The following RABGAP1 variants were observed in gnomAD, a reference collection of about 807,000 sequenced individuals.
RABGAP1 encodes RAB GTPase activating protein 1, also known as rab GTPase-activating protein 1.
A neutral mutation model predicts 137.6 loss-of-function variants in RABGAP1; 23 were observed. That is an observed-to-expected ratio of 0.17 (90% CI 0.12 to 0.24). The LOEUF (loss-of-function observed/expected upper bound fraction) is 0.24, where lower values mean the gene tolerates loss of function less well. Ranked by LOEUF, RABGAP1 falls within the 10% of genes least tolerant of loss-of-function variation. RABGAP1 has a pLI of 1.00. For missense variants in RABGAP1, 906 were observed against 1,275.8 expected (o/e 0.71, Z 4.42); for synonymous variants, 451 against 450.7 (o/e 1.00, Z -0.01).
At position 123,013,725 on chromosome 9, in the gene RABGAP1, A is replaced by G. The variant is rs571019854; in HGVS notation, c.1550-1818A>G. 5.9e-5 allele frequency among the ~76,000 whole-genome samples: 9 copies of G among 152,334 alleles called. No individual in the cohort carries two copies. In the East Asian group the frequency reaches 1.5e-3, roughly 26 times the overall value. The stretch of plus-strand genomic sequence containing the variant: ...TGTCTCACCAGCAAAACTGATGATA[A>G]TGTCCAAAGCATTATAATATAAAAA... On this transcript the variant is annotated intron_variant, in intron 11 of 25. Transcript: ENST00000373647.
Position 123,070,463 on chromosome 9 carries a change from C to CT in RABGAP1, c.1983+40dup. ...TCTCTGTTATGACTTAACACATGGCCTCCCTCAGCTTATACTAACCTTAGG... is the reference window on the plus strand; with the variant it reads ...TCTCTGTTATGACTTAACACATGGCCTTCCCTCAGCTTATACTAACCTTAGG... On this transcript the variant is annotated intron_variant, in intron 15 of 25. Coordinates refer to ENST00000373647, the MANE Select transcript of RABGAP1 (RefSeq NM_012197.4). The surrounding 1 kb of genome is among the most constrained non-coding windows in gnomAD (Gnocchi z 4.4). The CT allele has an allele frequency of 6.2e-7, 1 of 1,613,558 alleles. No individual in the cohort carries two copies.
intron 13 of RABGAP1, among the ~76,000 whole-genome samples, chr9:123,024,143 T>C (rs2031817232): frequency 6.6e-6 from 1 of 152,210 alleles, no homozygotes; most frequent in Non-Finnish European, 1.5e-5. Flanking sequence ...CAATAAGCAA[T>C]GGAGTTAGTT....
chr9:122,994,749 G>T (rs577131615), intron 6 of RABGAP1, among the ~76,000 whole-genome samples: 1 of 152,294 alleles, frequency 6.6e-6, no homozygotes, highest in African/African-American at 2.4e-5. Context: ...TGATGGCCAT[G>T]GACAGATGTT....
intron 13 of RABGAP1, among the ~76,000 whole-genome samples, chr9:123,057,788 C>T (rs1040636597): frequency 6.6e-6 from 1 of 152,210 alleles, no homozygotes; most frequent in Non-Finnish European, 1.5e-5. Flanking sequence ...AACGAGACTC[C>T]GTCTGCAATC....
At chr9:123,056,823 G>C (rs1011478938) in intron 13 of RABGAP1, among the ~76,000 whole-genome samples, 1 of 152,154 alleles carries the variant, frequency 6.6e-6, no homozygotes. Flanking sequence ...AGGATCCCAA[G>C]GCAGAAGAAT....
chr9:123,044,146 G>A (rs111517312), intron 13 of RABGAP1, among the ~76,000 whole-genome samples: 11 of 151,950 alleles, frequency 7.2e-5, no homozygotes, highest in African/African-American at 1.9e-4. Context: ...CTCGTGATCC[G>A]CCCATCTCGG....
chr9:123,052,184 A>G (rs2033512983), intron 13 of RABGAP1, among the ~76,000 whole-genome samples: 1 of 152,166 alleles, frequency 6.6e-6, no homozygotes, highest in African/African-American at 2.4e-5. Flanking sequence ...TCACTTTTAC[A>G]ATATGTTCAT....
intron 20 of RABGAP1, 47 bp from the exon 21 acceptor site, chr9:123,090,228 C>T (rs1271525346): frequency 4.2e-6 from 6 of 1,439,232 alleles, no homozygotes; most frequent in South Asian, 3.8e-5. Flanking sequence ...ATTTTCATTT[C>T]CATCTGATTT....
chr9:123,036,816 C>CT lies in RABGAP1; in HGVS notation c.1794+16369dup, dbSNP rs35388646. 5.2e-3 allele frequency among the ~76,000 whole-genome samples: 736 copies of CT among 142,102 alleles called. 1 individual carries two copies. Among genetic ancestry groups the CT allele is most frequent in the Non-Finnish European group, 7.1e-3 (458 of 64,800 alleles). The allele number at this position is 142,102 out of a possible 152,430, so 93.2% of individuals were successfully genotyped here. A position where few individuals can be genotyped will look rare whatever the true frequency, so the allele number is the denominator to read the frequency against. On this transcript the variant is annotated intron_variant, in intron 13 of 25. Transcript: ENST00000373647. ...CCTTTGGCATACAGTTCTTAATGGT[C>CT]TTTTTTTTTTTTCCTGCCAAAGTAC...
At chr9:122,936,424 T>G (rs1833388344), upstream of RABGAP1, among the ~76,000 whole-genome samples, 2 of 152,222 alleles carry the variant, frequency 1.3e-5, no homozygotes, top group Admixed American at 1.3e-4. Context: ...GTAACTATGT[T>G]GGAACTCTGG....
intron 9 of RABGAP1, among the ~76,000 whole-genome samples, chr9:122,997,625 T>A (rs141290220): frequency 6.6e-6 from 1 of 152,200 alleles, no homozygotes; most frequent in Non-Finnish European, 1.5e-5. Flanking sequence ...TACAGACTTA[T>A]AAGTTTTATT....
At chr9:123,052,390 T>G (rs1181931449) in intron 13 of RABGAP1, among the ~76,000 whole-genome samples, 1 of 152,226 alleles carries the variant, frequency 6.6e-6, no homozygotes, top group Admixed American at 6.5e-5. Context: ...AAAGTACAGC[T>G]GGCAATAGAA....
At chr9:123,045,778 T>G (rs1564157468) in intron 13 of RABGAP1, among the ~76,000 whole-genome samples, 1 of 152,180 alleles carries the variant, frequency 6.6e-6, no homozygotes, top group Non-Finnish European at 1.5e-5. Flanking sequence ...AGAGCATGGA[T>G]TTTTGGAGTC....
chr9:122,999,269 C>T (rs555708167), intron 10 of RABGAP1, among the ~76,000 whole-genome samples: 2 of 151,968 alleles, frequency 1.3e-5, no homozygotes, highest in South Asian at 2.1e-4. Flanking sequence ...CTGCAACCTC[C>T]GCCTCCCGGG....
chr9:123,003,975 A>G (rs1163371530), intron 10 of RABGAP1, among the ~76,000 whole-genome samples: 2 of 152,254 alleles, frequency 1.3e-5, no homozygotes, highest in African/African-American at 2.4e-5. Context: ...ACTAAGTGGT[A>G]TGGCCAATGT....
At chr9:122,981,763 T>C (rs1211398915) in intron 2 of RABGAP1, among the ~76,000 whole-genome samples, 1 of 152,184 alleles carries the variant, frequency 6.6e-6, no homozygotes, top group African/African-American at 2.4e-5. Context: ...GATTAAAGTA[T>C]GCAGGCCGGG....
chr9:122,967,008 T>G (rs1564365720), intron 2 of RABGAP1, among the ~76,000 whole-genome samples: 1 of 152,098 alleles, frequency 6.6e-6, no homozygotes, highest in East Asian at 1.9e-4. Flanking sequence ...CCACAACACA[T>G]GGGAATTGGG....
intron 2 of RABGAP1, among the ~76,000 whole-genome samples, chr9:122,958,151 G>A (rs143625317): frequency 0.016 from 2,414 of 152,170 alleles, 34 homozygotes; most frequent in South Asian, 0.066. Context: ...CTCCAGAGCC[G>A]GGCAGGGGTG....
At chr9:123,021,126 C>G (rs2031602046) in intron 13 of RABGAP1, among the ~76,000 whole-genome samples, 1 of 152,078 alleles carries the variant, frequency 6.6e-6, no homozygotes, top group African/African-American at 2.4e-5. Flanking sequence ...GAAGCAGTTT[C>G]TCCAATAGTA....
Sources: gnomAD v4.1 joint callset for allele counts (sites outside exome capture counted in the v4.1 genomes callset) on GRCh38, gnomAD v4.1.1 for gene constraint, Gnocchi (gnomAD v3.1) non-coding constraint, MANE v1.5 for transcripts, NCBI Gene and HGNC (gene_info 2026-07-23, HGNC 2026-07-21) for gene names.